ERCC5: variants seen among roughly 807,000 people sequenced by gnomAD.
ERCC5 encodes DNA excision repair protein ERCC-5.
Under a neutral mutation model 105.6 loss-of-function variants are expected in ERCC5, and 68 were observed. The ratio of observed to expected loss-of-function variants is 0.64; its 90% CI spans 0.53 to 0.79. The LOEUF (loss-of-function observed/expected upper bound fraction) is 0.79. Ranked by LOEUF, ERCC5 falls within the 30% of genes least tolerant of loss-of-function variation. ERCC5 has a pLI of 0.00. For missense variants in ERCC5, 1,373 were observed against 1,426.7 expected (o/e 0.96, Z 0.61); for synonymous variants, 546 against 526.2 (o/e 1.04, Z -0.51).
At chr13:102,854,752 T>G (rs1451117740) in intron 4 of ERCC5, among the ~76,000 whole-genome samples, 2 of 152,230 alleles carry the variant, frequency 1.3e-5, no homozygotes, top group African/African-American at 4.8e-5. Context: ...ACATTCTTGT[T>G]GCTAAATCTA....
chr13:102,873,284 A>T lies in ERCC5; in HGVS notation c.2905A>T (p.Asn969Tyr), dbSNP rs1451968130. 6 of 1,614,116 alleles carry T rather than the reference A, an allele frequency of 3.7e-6. No homozygotes were observed. The South Asian group carries it at 6.6e-5, about 18-fold the overall frequency. Residue 969 changes from asparagine to tyrosine, a missense_variant, in exon 14 of 15, where the codon AAC (asparagine) becomes TAC (tyrosine). Around this residue, in one of 3 missense-constraint regions of ERCC5, gnomAD observed 367 missense variants for 350.2 expected, o/e 1.05. Coordinates refer to ENST00000652225, the MANE Select transcript of ERCC5 (RefSeq NM_000123.4). The part of the protein sequence containing the change: ...REFCQRYFGW[N>Y]RTKTDESLFP... ...ATTTTGTCAGCGGTATTTCGGCTGG[A>T]ACAGAACGAAGACAGATGAATCTCT...
At position 102,865,847 on chromosome 13, in the gene ERCC5, G is replaced by A. The variant is rs2140531396; in HGVS notation, c.2135G>A (p.Gly712Asp). 2 of 1,614,210 alleles carry A rather than the reference G, an allele frequency of 1.2e-6. No homozygotes were observed. The highest frequency in any genetic ancestry group is 1.7e-6 in the Non-Finnish European group (2 of 1,180,032). Residue 712 changes from glycine (G) to aspartate (D), a missense_variant, in exon 9 of 15, where the codon GGT (glycine) becomes GAT (aspartate). Gly to Asp is a moderately conservative substitution (Grantham distance 94). Transcript: ENST00000652225. This position sits in a 1 kb window ranked among gnomAD's most constrained non-coding sequence, Gnocchi z 4.0. Reference protein sequence around the residue: ...RDNSERDDVDGEPQEAEKDAE... With the variant: ...RDNSERDDVDDEPQEAEKDAE... ...AACTCTGAGAGGGACGACGTGGATG[G>A]TGAGCCACAGGAAGCTGAGAAAGAT...
chr13:102,868,716 A>G (rs1482969043), intron 12 of ERCC5, among the ~76,000 whole-genome samples: 1 of 152,232 alleles, frequency 6.6e-6, no homozygotes, highest in Non-Finnish European at 1.5e-5. Context: ...CGACTTGGAA[A>G]TATAATGCCA....
intron 12 of ERCC5, among the ~76,000 whole-genome samples, chr13:102,870,003 G>A (rs1595388776): frequency 6.6e-6 from 1 of 152,194 alleles, no homozygotes; most frequent in South Asian, 2.1e-4. Context: ...AGCAGCCTTC[G>A]CTCTGCCTGG....
chr13:102,854,626 T>C (rs2140519613), intron 4 of ERCC5, among the ~76,000 whole-genome samples: 1 of 152,358 alleles, frequency 6.6e-6, no homozygotes, highest in Admixed American at 6.5e-5. Flanking sequence ...GGATTCTAAA[T>C]TCTCCAAGGC....
intron 2 of ERCC5, among the ~76,000 whole-genome samples, chr13:102,853,344 A>T (rs377743193): frequency 2.6e-5 from 4 of 152,214 alleles, no homozygotes; most frequent in Non-Finnish European, 5.9e-5. Flanking sequence ...TATAATCTTG[A>T]ATATTGAAGG....
At chr13:102,859,054 A>G (rs1306206169) in intron 6 of ERCC5, 8 of 405,702 alleles carry the variant, frequency 2.0e-5, no homozygotes, top group Admixed American at 1.6e-4. Context: ...TGGAGGTGGT[A>G]TGTGCAGTTG....
chr13:102,858,574 T>C (rs146689496), intron 6 of ERCC5, among the ~76,000 whole-genome samples, 156 bp downstream of exon 6: 2 of 152,376 alleles, frequency 1.3e-5, no homozygotes, highest in East Asian at 3.9e-4. Flanking sequence ...GCATCGTATA[T>C]TTATACGTTT....
rs886049942 is a variant in ERCC5 at position 102,875,345 on chromosome 13, A to G, written c.3003A>G (p.Gln1001=). 14 of 1,614,054 alleles carry G rather than the reference A, an allele frequency of 8.7e-6. No individual in the cohort carries two copies. In the Middle Eastern group the frequency reaches 8.2e-4, roughly 95 times the overall value. Residue 1001 remains glutamine, a synonymous_variant, in exon 15 of 15, where the codon CAA becomes CAG. Coordinates refer to ENST00000652225, the MANE Select transcript of ERCC5 (RefSeq NM_000123.4). ...TTGATTCCTTCTTTAGATTAGCACA[A>G]CAGGAGAAAGAAGATGCTAAACGTA... ...LRIDSFFRLA[Q]QEKEDAKRIK... is the part of the protein sequence containing the mutation.
At chr13:102,850,740 G>A (rs1882170622) in intron 1 of ERCC5, among the ~76,000 whole-genome samples, 3 of 152,230 alleles carry the variant, frequency 2.0e-5, no homozygotes, top group South Asian at 4.1e-4. Context: ...ATGTCTATGA[G>A]GTATGGGGTA....
At chr13:102,856,759 G>A (rs1269854781) in intron 5 of ERCC5, among the ~76,000 whole-genome samples, 21 of 152,216 alleles carry the variant, frequency 1.4e-4, no homozygotes, top group Non-Finnish European at 2.9e-5. Context: ...GGTTGATGCT[G>A]GCTGTCAGCC....
In ERCC5 at chr13:102,854,092, G is replaced by A. The variant is rs575030744; in HGVS notation, c.381-196G>A. Among the ~76,000 whole-genome samples, 7 of 152,246 alleles carry A rather than the reference G, an allele frequency of 4.6e-5. No individual in the cohort carries two copies. In the South Asian group the frequency reaches 6.2e-4, roughly 14 times the overall value. ...TTGCTAATGAGAAAAAAAAGCTGTC[G>A]TGTTGCGTCATGTACACTTTTTACT... On this transcript the variant is annotated intron_variant, in intron 3 of 14. Transcript: ENST00000652225.
rs1054437048 is a variant in ERCC5, at chr13:102,868,157, A to G, written c.2578A>G (p.Ser860Gly). 2 of 1,614,200 alleles carry G rather than the reference A, an allele frequency of 1.2e-6. No individual in the cohort carries two copies. The highest frequency in any genetic ancestry group is 1.3e-5 in the African/African-American group (1 of 75,072). Residue 860 changes from serine to glycine, a missense_variant, in exon 12 of 15, where the codon AGT (serine) becomes GGT (glycine). Ser to Gly is a moderately conservative substitution (Grantham distance 56, BLOSUM62 0). Around this residue, in one of 3 missense-constraint regions of ERCC5, gnomAD observed 1,004 missense variants for 1,059.7 expected, o/e 0.95. Transcript: ENST00000652225. ...AATAAATTTGGCTTATTTGCTTGGA[A>G]GTGATTATACCGAAGGAATACCAAC... is the stretch of plus-strand genomic sequence containing the variant. ...KLINLAYLLG[S>G]DYTEGIPTVG... is the part of the protein sequence containing the mutation.
At chr13:102,855,205 A>G (rs932510067) in intron 4 of ERCC5, among the ~76,000 whole-genome samples, 1 of 151,754 alleles carries the variant, frequency 6.6e-6, no homozygotes, top group African/African-American at 2.4e-5. Context: ...CAAATCTGAT[A>G]TTGTCATTTC....
At chr13:102,849,866 C>T (rs1054032677) in intron 1 of ERCC5, among the ~76,000 whole-genome samples, 1 of 151,930 alleles carries the variant, frequency 6.6e-6, no homozygotes, top group Non-Finnish European at 1.5e-5. Flanking sequence ...TAGGTGGCCC[C>T]TTCAATGTTC....
chr13:102,873,275 T>C lies in ERCC5; in HGVS notation c.2896T>C (p.Phe966Leu). 1 of 1,614,178 alleles carries C rather than the reference T, an allele frequency of 6.2e-7. No individual in the cohort carries two copies. Among genetic ancestry groups the C allele is most frequent in the Non-Finnish European group, 8.5e-7 (1 of 1,180,024 alleles). Reference sequence around the variant, plus strand: ...TGCATGCATATTTTGTCAGCGGTATTTCGGCTGGAACAGAACGAAGACAGA... The same window carrying C: ...TGCATGCATATTTTGTCAGCGGTATCTCGGCTGGAACAGAACGAAGACAGA... ...DKIREFCQRY[F>L]GWNRTKTDES... The change falls in exon 14 of 15, where the codon TTC becomes CTC. Residue 966 changes from phenylalanine (F) to leucine (L), a missense_variant. Transcript: ENST00000652225.
At chr13:102,858,441 C>T (rs374666437) in intron 6 of ERCC5, 23 bp downstream of exon 6, 2 of 1,613,964 alleles carry the variant, frequency 1.2e-6, no homozygotes, top group Non-Finnish European at 1.7e-6. Flanking sequence ...ACAGTACATT[C>T]ATGCTTAGAA....
rs2140531961 is a variant in ERCC5, at chr13:102,866,298, C to A, written c.2236C>A (p.Gln746Lys). 1 of 1,614,208 alleles carries A rather than the reference C, an allele frequency of 6.2e-7. No individual in the cohort carries two copies. The change falls in exon 10 of 15, where the codon CAG becomes AAG. Residue 746 changes from glutamine (Q) to lysine (K), a missense_variant. Gln to Lys is a moderately conservative substitution (Grantham distance 53). Around this residue, in one of 3 missense-constraint regions of ERCC5, gnomAD observed 1,004 missense variants for 1,059.7 expected, o/e 0.95. Transcript: ENST00000652225. ...LETLESNLLA[Q>K]QNSLKAQKQQ... ...AACTCTGGAGAGCAACCTCTTAGCACAGCAGAATTCACTGAAAGCTCAAAA... is the reference window on the plus strand; with the variant it reads ...AACTCTGGAGAGCAACCTCTTAGCAAAGCAGAATTCACTGAAAGCTCAAAA...
Position 102,865,552 on chromosome 13 carries a change from A to G in ERCC5, c.1955-115A>G. On this transcript the variant is annotated intron_variant, in intron 8 of 14. Transcript: ENST00000652225. The surrounding 1 kb of genome is among the most constrained non-coding windows in gnomAD (Gnocchi z 4.0). ...ATTACATGTATTCTGTTATAGTCATATCTTTCCTTTTTAGGATGTAGCATT... is the reference window on the plus strand; with the variant it reads ...ATTACATGTATTCTGTTATAGTCATGTCTTTCCTTTTTAGGATGTAGCATT... 2 of 1,398,612 alleles carry G rather than the reference A, an allele frequency of 1.4e-6. No homozygotes were observed. Among genetic ancestry groups the G allele is most frequent in the Non-Finnish European group, 2.0e-6 (2 of 1,015,948 alleles). The allele number at this position is 1,398,612 out of a possible 1,614,324, so 86.6% of individuals were successfully genotyped here. A position where few individuals can be genotyped will look rare whatever the true frequency, so the allele number is the denominator to read the frequency against.
Sources: gnomAD v4.1 joint callset for allele counts (sites outside exome capture counted in the v4.1 genomes callset) on GRCh38, gnomAD v4.1.1 for gene constraint, gnomAD v4.1.1 regional missense constraint, Gnocchi (gnomAD v3.1) non-coding constraint, MANE v1.5 for transcripts, NCBI Gene and HGNC (gene_info 2026-07-23, HGNC 2026-07-21) for gene names.